The following NLGN1 variants were observed in gnomAD, a reference collection of about 807,000 sequenced individuals.
The protein encoded by NLGN1 is neuroligin-1.
Under a neutral mutation model 65.5 loss-of-function variants are expected in NLGN1, and 12 were observed. That is an observed-to-expected ratio of 0.18 (90% CI 0.12 to 0.30). The LOEUF (loss-of-function observed/expected upper bound fraction) is 0.30, where lower values mean the gene tolerates loss of function less well. Among genes scored for constraint, NLGN1 ranks in the 10% least tolerant of loss-of-function variants. The pLI, the probability that NLGN1 is intolerant of heterozygous loss-of-function variation, is 1.00. For missense variants in NLGN1, 750 were observed against 1,007.1 expected (o/e 0.74, Z 3.46); for synonymous variants, 350 against 359.5 (o/e 0.97, Z 0.30).
intron 3 of NLGN1, among the ~76,000 whole-genome samples, chr3:173,636,012 C>A (rs184605176): frequency 6.6e-6 from 1 of 152,112 alleles, no homozygotes; most frequent in East Asian, 1.9e-4. Flanking sequence ...GCCTTGCTAT[C>A]GAGGGTGGCA....
chr3:173,952,545 G>C (rs2152331185), intron 4 of NLGN1, among the ~76,000 whole-genome samples: 1 of 152,256 alleles, frequency 6.6e-6, no homozygotes, highest in South Asian at 2.1e-4. Flanking sequence ...AAAGAAGTCT[G>C]ATTAATAGAG....
In NLGN1 at chr3:174,195,716, G is replaced by A. The variant is rs543524539; in HGVS notation, c.647-79599G>A. On this transcript the variant is annotated intron_variant, in intron 4 of 6. Coordinates refer to ENST00000457714, the Ensembl canonical transcript of NLGN1. ...GCTTCACTAAGTTGGAAGAGATGCC[G>A]CTAAAGAGCAGGGGGCACAGGAAAC... is the stretch of plus-strand genomic sequence containing the variant. Among the ~76,000 whole-genome samples, 39 of 152,160 alleles carry A rather than the reference G, an allele frequency of 2.6e-4. No individual in the cohort carries two copies. The South Asian group carries it at 6.8e-3, about 27-fold the overall frequency.
At chr3:174,250,738 T>G (rs369979333) in intron 4 of NLGN1, among the ~76,000 whole-genome samples, 27 of 152,044 alleles carry the variant, frequency 1.8e-4, no homozygotes, top group African/African-American at 5.1e-4. Context: ...CATAAACAAT[T>G]TAAAAACTAT....
chr3:173,529,522 A>C (rs1214997878), intron 2 of NLGN1, among the ~76,000 whole-genome samples: 1 of 152,160 alleles, frequency 6.6e-6, no homozygotes, highest in Non-Finnish European at 1.5e-5. Context: ...GGGGTTGAAG[A>C]GGCTGCACCA....
At chr3:173,539,797 C>T (rs998394914) in intron 2 of NLGN1, among the ~76,000 whole-genome samples, 1 of 129,070 alleles carries the variant, frequency 7.7e-6, no homozygotes, top group East Asian at 2.1e-4. Flanking sequence ...TACATATATA[C>T]ATATATATAC....
chr3:173,977,902 AG>A (rs1369412218), intron 4 of NLGN1, among the ~76,000 whole-genome samples: 1 of 152,082 alleles, frequency 6.6e-6, no homozygotes, highest in East Asian at 1.9e-4. Context: ...ACATCAAGTG[AG>A]AAAAGGAGAG....
intron 4 of NLGN1, among the ~76,000 whole-genome samples, chr3:174,025,079 G>A (rs1728590984): frequency 6.6e-6 from 1 of 152,144 alleles, no homozygotes; most frequent in South Asian, 2.1e-4. Context: ...TGGGCCAAGA[G>A]TTAAAAATGC....
At chr3:173,776,677 A>G (rs1560346307) in intron 3 of NLGN1, among the ~76,000 whole-genome samples, 1 of 152,042 alleles carries the variant, frequency 6.6e-6, no homozygotes, top group Non-Finnish European at 1.5e-5. Context: ...TGGAAGTGAC[A>G]TGAATGACTT....
At chr3:173,921,331 TAATTC>T (rs1236045588) in intron 4 of NLGN1, among the ~76,000 whole-genome samples, 2 of 148,362 alleles carry the variant, frequency 1.3e-5, no homozygotes, top group Non-Finnish European at 3.0e-5. Context: ...TAGTGGAAAA[TAATTC>T]AATTGATTTT....
At chr3:173,831,896 T>G (rs1391907478) in intron 4 of NLGN1, among the ~76,000 whole-genome samples, 2 of 152,188 alleles carry the variant, frequency 1.3e-5, no homozygotes, top group Non-Finnish European at 2.9e-5. Flanking sequence ...CTTTAGAGAT[T>G]GAGTAAACAG....
At chr3:173,454,993 G>A (rs1722264693) in intron 2 of NLGN1, among the ~76,000 whole-genome samples, 1 of 152,118 alleles carries the variant, frequency 6.6e-6, no homozygotes, top group Non-Finnish European at 1.5e-5. Flanking sequence ...AGCGGAAGGA[G>A]AGAGACTTGA....
chr3:174,215,358 C>G (rs1039819119), intron 4 of NLGN1, among the ~76,000 whole-genome samples: 3 of 152,128 alleles, frequency 2.0e-5, no homozygotes, highest in African/African-American at 4.8e-5. Flanking sequence ...CACTTGCTGT[C>G]TCACTGACAA....
At chr3:174,101,611 C>G (rs1712494533) in intron 4 of NLGN1, among the ~76,000 whole-genome samples, 1 of 152,172 alleles carries the variant, frequency 6.6e-6, no homozygotes, top group African/African-American at 2.4e-5. Flanking sequence ...GCACTGTGTT[C>G]TAATGATATG....
chr3:173,693,671 CAAAT>C (rs1267044154), intron 3 of NLGN1, among the ~76,000 whole-genome samples: 7 of 151,628 alleles, frequency 4.6e-5, no homozygotes, highest in Non-Finnish European at 1.0e-4. Context: ...AGCAGACTAA[CAAAT>C]AGATAATGTT....
intron 4 of NLGN1, among the ~76,000 whole-genome samples, chr3:174,084,933 T>G (rs1742955328): frequency 1.3e-5 from 2 of 152,054 alleles, no homozygotes; most frequent in African/African-American, 4.8e-5. Flanking sequence ...TTCTTCTTTT[T>G]TGTCAAAACT....
intron 2 of NLGN1, among the ~76,000 whole-genome samples, chr3:173,527,179 A>C (rs1225950553): frequency 6.6e-6 from 1 of 152,096 alleles, no homozygotes; most frequent in Non-Finnish European, 1.5e-5. Flanking sequence ...TGACAGCAAC[A>C]GTGTATGAGG....
chr3:173,962,027 GCCAA>G (rs2152349212), intron 4 of NLGN1, among the ~76,000 whole-genome samples: 1 of 152,096 alleles, frequency 6.6e-6, no homozygotes, highest in African/African-American at 2.4e-5. Context: ...AAAACAATAA[GCCAA>G]GTTTTGAAAA....
intron 2 of NLGN1, among the ~76,000 whole-genome samples, chr3:173,475,236 G>T (rs1442869052): frequency 6.6e-6 from 1 of 151,894 alleles, no homozygotes; most frequent in Non-Finnish European, 1.5e-5. Context: ...ACTTGTTAGG[G>T]CAGTCAAAGC....
chr3:173,874,270 G>C (rs943257937), intron 4 of NLGN1, among the ~76,000 whole-genome samples: 7 of 152,080 alleles, frequency 4.6e-5, no homozygotes, highest in Non-Finnish European at 8.8e-5. Flanking sequence ...CCCTTTAGCT[G>C]GATTCTAACT....
Sources: gnomAD v4.1 joint callset for allele counts (sites outside exome capture counted in the v4.1 genomes callset) on GRCh38, gnomAD v4.1.1 for gene constraint, MANE v1.5 for transcripts, NCBI Gene and HGNC (gene_info 2026-07-23, HGNC 2026-07-21) for gene names.